PPIP5K2: variants seen among roughly 807,000 people sequenced by gnomAD.
PPIP5K2 encodes inositol hexakisphosphate and diphosphoinositol-pentakisphosphate kinase 2.
In PPIP5K2, 105 loss-of-function variants were observed where a neutral mutation model predicts 154.6. That is an observed-to-expected ratio of 0.68 (90% CI 0.58 to 0.80). PPIP5K2 has a LOEUF of 0.80. Ranked by LOEUF, PPIP5K2 falls within the 30% of genes least tolerant of loss-of-function variation. The pLI, the probability that PPIP5K2 is intolerant of heterozygous loss-of-function variation, is 0.00. For missense variants in PPIP5K2, 992 were observed against 1,504.6 expected, an observed-to-expected ratio of 0.66 and a Z score of 5.64; for synonymous variants, 480 against 490.3, an observed-to-expected ratio of 0.98 and a Z score of 0.28.
At chr5:103,138,836 T>C (rs1792038335) in intron 5 of PPIP5K2, among the ~76,000 whole-genome samples, 1 of 152,226 alleles carries the variant, frequency 6.6e-6, no homozygotes, top group African/African-American at 2.4e-5. Flanking sequence ...AAAAACTAAA[T>C]ACTGGCCAAG....
intron 28 of PPIP5K2, chr5:103,189,248 A>C (rs1554226135): frequency 1.3e-6 from 2 of 1,490,732 alleles, no homozygotes; most frequent in African/African-American, 2.8e-5. Flanking sequence ...TAGCTTCTAA[A>C]CATGTCAGCA....
chr5:103,155,917 AT>A lies in PPIP5K2; in HGVS notation c.1417del (p.Ser473LeufsTer3). The A allele has an allele frequency of 1.3e-6, 2 of 1,594,992 alleles. No individual in the cohort carries two copies. The highest frequency in any genetic ancestry group is 1.7e-6 in the Non-Finnish European group (2 of 1,163,124). On this transcript the variant is annotated frameshift_variant, in exon 14 of 31. Transcript: ENST00000358359. LOFTEE classifies it high-confidence loss of function. ...QLKTVLEMYGHFSGINRKVQL... is the reference protein window; with the variant it reads ...QLKTVLEMYGXFSGINRKVQL... Reference sequence around the variant, plus strand: ...ATCATTTTATTTTTCAGGTATGGTCATTTTTCTGGAATAAATCGTAAGGTTC... The same window carrying A: ...ATCATTTTATTTTTCAGGTATGGTCATTTTCTGGAATAAATCGTAAGGTTC...
Position 103,205,411 on chromosome 5 carries a change from A to G in PPIP5K2, c.*3777A>G, listed in dbSNP as rs1803457731. ...ATTTCTAGTTCTAGATCCTTGAGGA[A>G]TCGCCACACTGTCTTCCACAATGGT... is the stretch of plus-strand genomic sequence containing the variant. On this transcript the variant is annotated 3_prime_UTR_variant, in exon 31 of 31. Coordinates refer to ENST00000358359, the MANE Select transcript of PPIP5K2 (RefSeq NM_001276277.3). The G allele has an allele frequency of 6.6e-6, 1 of 152,208 alleles. No homozygotes were observed. The highest frequency in any genetic ancestry group is 1.5e-5 in the Non-Finnish European group (1 of 68,040). 9.4% of individuals were successfully genotyped at this position (152,208 alleles called of 1,614,324 possible).
At chr5:103,190,755 A>T in intron 28 of PPIP5K2, 87 bp from the exon 29 acceptor site, 1 of 1,239,462 alleles carries the variant, frequency 8.1e-7, no homozygotes, top group Non-Finnish European at 1.1e-6. Flanking sequence ...TAAACTGTCC[A>T]GTTCTAAGCA....
chr5:103,144,567 A>G (rs1330234370), intron 5 of PPIP5K2, among the ~76,000 whole-genome samples: 2 of 152,292 alleles, frequency 1.3e-5, no homozygotes, highest in East Asian at 3.9e-4. Context: ...TGGTACTGGC[A>G]TCAAAATATA....
chr5:103,126,034 C>T (rs372796022), intron 1 of PPIP5K2, among the ~76,000 whole-genome samples: 1 of 152,194 alleles, frequency 6.6e-6, no homozygotes, highest in Admixed American at 6.5e-5. Flanking sequence ...CTTACTCTTT[C>T]ATGAACATGG....
intron 1 of PPIP5K2, among the ~76,000 whole-genome samples, chr5:103,123,747 A>T (rs910051391): frequency 8.5e-5 from 13 of 152,206 alleles, no homozygotes; most frequent in African/African-American, 2.9e-4. Context: ...CCATTTTGGG[A>T]CCACTGCTAT....
At chr5:103,158,129 T>G in intron 14 of PPIP5K2, 59 bp from the exon 15 acceptor site, 1 of 1,552,714 alleles carries the variant, frequency 6.4e-7, no homozygotes, top group Non-Finnish European at 8.8e-7. Context: ...AAAATGAATC[T>G]TAAGTCTGTT....
chr5:103,189,671 A>G (rs1035534420), intron 28 of PPIP5K2, among the ~76,000 whole-genome samples: 2 of 152,094 alleles, frequency 1.3e-5, no homozygotes, highest in African/African-American at 2.4e-5. Flanking sequence ...AAAATCAGAC[A>G]TATCACTTTT....
At chr5:103,193,474 A>G (rs976527035) in intron 29 of PPIP5K2, among the ~76,000 whole-genome samples, 1 of 151,946 alleles carries the variant, frequency 6.6e-6, no homozygotes, top group African/African-American at 2.4e-5. Context: ...TATTAATACT[A>G]AAAGATAGCT....
chr5:103,130,362 A>T (rs1301628787), intron 2 of PPIP5K2, among the ~76,000 whole-genome samples: 1 of 152,112 alleles, frequency 6.6e-6, no homozygotes, highest in African/African-American at 2.4e-5. Flanking sequence ...TTAAGTAGAG[A>T]TTGCTTTACT....
intron 28 of PPIP5K2, chr5:103,189,300 A>T: frequency 8.4e-7 from 1 of 1,195,714 alleles, no homozygotes; most frequent in East Asian, 2.6e-5. Context: ...TTCATTGTGC[A>T]TTAAAGGAAA....
intron 1 of PPIP5K2, among the ~76,000 whole-genome samples, chr5:103,124,309 A>G (rs371738825): frequency 2.6e-5 from 4 of 151,744 alleles, no homozygotes; most frequent in East Asian, 1.9e-4. Flanking sequence ...CTCTTGTACT[A>G]CGACATATAT....
At chr5:103,196,424 G>C (rs1409875498) in intron 30 of PPIP5K2, among the ~76,000 whole-genome samples, 1 of 152,084 alleles carries the variant, frequency 6.6e-6, no homozygotes, top group Non-Finnish European at 1.5e-5. Flanking sequence ...AATTGAATAA[G>C]TATCTTAAAC....
At chr5:103,155,817 TAAAC>T in intron 13 of PPIP5K2, 88 bp from the exon 14 acceptor site, 1 of 819,256 alleles carries the variant, frequency 1.2e-6, no homozygotes. Flanking sequence ...TTCGAAGAAT[TAAAC>T]AGGCGGTTAC....
At position 103,158,144 on chromosome 5, in the gene PPIP5K2, GAAAT is replaced by G; in HGVS notation, c.1490-40_1490-37del. 7 of 1,585,444 alleles carry G rather than the reference GAAAT, an allele frequency of 4.4e-6. 1 individual carries two copies. In the South Asian group the frequency reaches 7.8e-5, roughly 18 times the overall value. On this transcript the variant is annotated intron_variant, in intron 14 of 30. Coordinates refer to ENST00000358359, the MANE Select transcript of PPIP5K2 (RefSeq NM_001276277.3). ...AAAATGAATCTTAAGTCTGTTTAAA[GAAAT>G]AAACTTAACATTTGTTTTATTCATT...
At chr5:103,145,602 C>G (rs1158430417) in intron 5 of PPIP5K2, among the ~76,000 whole-genome samples, 1 of 151,764 alleles carries the variant, frequency 6.6e-6, no homozygotes, top group South Asian at 2.1e-4. Context: ...ATGGATGGAA[C>G]TGGAGGTCTT....
intron 21 of PPIP5K2, chr5:103,176,805 T>A: frequency 6.1e-6 from 6 of 988,876 alleles, no homozygotes; most frequent in Non-Finnish European, 7.3e-6. Context: ...TTTGAATGCT[T>A]GTAGTACATG....
At chr5:103,126,484 A>G (rs1554200770) in intron 1 of PPIP5K2, among the ~76,000 whole-genome samples, 2 of 152,214 alleles carry the variant, frequency 1.3e-5, no homozygotes, top group African/African-American at 4.8e-5. Context: ...TATTGAAAAG[A>G]CTATGTATTA....
Sources: gnomAD v4.1 joint callset for allele counts (sites outside exome capture counted in the v4.1 genomes callset) on GRCh38, gnomAD v4.1.1 for gene constraint, MANE v1.5 for transcripts, NCBI Gene and HGNC (gene_info 2026-07-23, HGNC 2026-07-21) for gene names.